Variants in CFAP144 observed in about 807,000 individuals in gnomAD.
CFAP144 encodes the protein cilia and flagella associated protein 144.
At chr1:43,148,222 G>A in the CFAP144 span, 2 of 894,918 alleles carry the variant, frequency 2.2e-6, no homozygotes, top group Non-Finnish European at 3.4e-6. Context: ...CTAGATTTCA[G>A]GAACCATGAC....
the CFAP144 span, chr1:43,145,284 G>A: frequency 6.5e-7 from 1 of 1,549,976 alleles, no homozygotes; most frequent in Non-Finnish European, 8.7e-7. Context: ...CACATCTAAT[G>A]TGTTCTCTGG....
At chr1:43,154,931 A>G in the CFAP144 span, among the ~76,000 whole-genome samples, 1 of 152,216 alleles carries the variant, frequency 6.6e-6, no homozygotes, top group Non-Finnish European at 1.5e-5. Context: ...GTGCTTGCTG[A>G]AGGCAGGCTA....
At chr1:43,156,100 C>A in the CFAP144 span, 1 of 886,102 alleles carries the variant, frequency 1.1e-6, no homozygotes, top group Non-Finnish European at 1.9e-6. Context: ...AATGCAGCCA[C>A]AGGCTGGGAG....
chr1:43,143,324 C>A, the CFAP144 span, among the ~76,000 whole-genome samples: 1 of 152,214 alleles, frequency 6.6e-6, no homozygotes, highest in East Asian at 1.9e-4. Context: ...CCAGGAGAAG[C>A]AAGGAACTGT....
chr1:43,145,956 A>G, the CFAP144 span, among the ~76,000 whole-genome samples: 1 of 152,252 alleles, frequency 6.6e-6, no homozygotes, highest in Non-Finnish European at 1.5e-5. Flanking sequence ...TTATGGACAC[A>G]GTAGCATAGC....
At chr1:43,143,914 G>A in the CFAP144 span, among the ~76,000 whole-genome samples, 1 of 152,166 alleles carries the variant, frequency 6.6e-6, no homozygotes, top group Non-Finnish European at 1.5e-5. Context: ...CATCTGCTTT[G>A]TCACCCCCTG....
the CFAP144 span, among the ~76,000 whole-genome samples, chr1:43,150,323 C>T: frequency 2.0e-5 from 3 of 152,318 alleles, no homozygotes; most frequent in Middle Eastern, 6.8e-3. Flanking sequence ...CCCTCCTGGG[C>T]ATAGATCACT....
At chr1:43,154,064 A>ATATATATATATATATATATATATGTG in the CFAP144 span, among the ~76,000 whole-genome samples, 1 of 41,024 alleles carries the variant, frequency 2.4e-5, no homozygotes. Flanking sequence ...ATGTGTGTGT[A>ATATATATATATATATATATATATGTG]TATATATATA....
the CFAP144 span, chr1:43,150,905 T>A: frequency 3.5e-6 from 4 of 1,129,484 alleles, no homozygotes; most frequent in Non-Finnish European, 5.2e-6. Context: ...CGTGATATCT[T>A]GGAGCAAGCA....
At chr1:43,152,979 T>TGTAA in the CFAP144 span, 1 of 1,571,796 alleles carries the variant, frequency 6.4e-7, no homozygotes, top group East Asian at 2.3e-5. Context: ...ACAGCAGCAA[T>TGTAA]GTAAGTGGTG....
the CFAP144 span, among the ~76,000 whole-genome samples, chr1:43,149,223 G>A: frequency 9.9e-5 from 15 of 152,224 alleles, no homozygotes; most frequent in Admixed American, 4.6e-4. Flanking sequence ...GACATAAGGC[G>A]CATTGGATCT....
the CFAP144 span, among the ~76,000 whole-genome samples, chr1:43,153,487 A>G: frequency 2.6e-5 from 4 of 152,040 alleles, no homozygotes; most frequent in African/African-American, 9.7e-5. Context: ...TCGCACGCTT[A>G]TAGTCCAGCT....
chr1:43,151,636 G>A, the CFAP144 span, among the ~76,000 whole-genome samples: 5 of 152,164 alleles, frequency 3.3e-5, no homozygotes, highest in Admixed American at 6.5e-5. Context: ...GGTGGAGAAA[G>A]GGCCCTATTT....
the CFAP144 span, among the ~76,000 whole-genome samples, chr1:43,143,796 C>T: frequency 6.6e-6 from 1 of 152,176 alleles, no homozygotes; most frequent in Non-Finnish European, 1.5e-5. Context: ...GAAGCGCCCC[C>T]TACAGGATCC....
chr1:43,145,368 C>A, the CFAP144 span: 2 of 1,182,630 alleles, frequency 1.7e-6, no homozygotes, highest in South Asian at 1.3e-5. Context: ...GGCACAAGGT[C>A]CCTGCTGTAG....
chr1:43,144,657 G>A, the CFAP144 span, among the ~76,000 whole-genome samples: 1 of 151,868 alleles, frequency 6.6e-6, no homozygotes, highest in Non-Finnish European at 1.5e-5. Flanking sequence ...TGTCAGCCCC[G>A]CCCACTACCC....
the CFAP144 span, among the ~76,000 whole-genome samples, chr1:43,144,015 T>C: frequency 6.6e-6 from 1 of 152,238 alleles, no homozygotes; most frequent in South Asian, 2.1e-4. Context: ...TCCAGTGATG[T>C]AAATGCAGTG....
the CFAP144 span, among the ~76,000 whole-genome samples, chr1:43,154,066 ATATATATATATATATATATATATATATAT>A: frequency 3.3e-5 from 2 of 60,650 alleles, no homozygotes; most frequent in Non-Finnish European, 5.7e-5. Context: ...GTGTGTGTAT[ATATATATATATATATATATATATATATAT>A]ATATACTCTC....
chr1:43,146,772 C>T, the CFAP144 span, among the ~76,000 whole-genome samples: 1 of 152,320 alleles, frequency 6.6e-6, no homozygotes, highest in African/African-American at 2.4e-5. Context: ...TGGGGAAGAG[C>T]ACAGTCTTCA....
Sources: allele counts gnomAD v4.1 joint callset (sites outside exome capture counted in the v4.1 genomes callset), GRCh38; gene constraint gnomAD v4.1.1; transcripts MANE v1.5; gene names NCBI Gene and HGNC (gene_info 2026-07-23, HGNC 2026-07-21).